FNDC3A: variants seen among roughly 807,000 people sequenced by gnomAD.
The protein encoded by FNDC3A is fibronectin type-III domain-containing protein 3A.
Under a neutral mutation model 148.9 loss-of-function variants are expected in FNDC3A, and 32 were observed. The ratio of observed to expected loss-of-function variants is 0.21; its 90% confidence interval spans 0.16 to 0.29. The LOEUF (loss-of-function observed/expected upper bound fraction) is 0.29, where lower values mean the gene tolerates loss of function less well. FNDC3A is among the 10% of genes least tolerant of loss of function. The pLI is 1.00. For missense variants in FNDC3A, 1,191 were observed against 1,452.8 expected (o/e 0.82, Z 2.93); for synonymous variants, 472 against 473.6 (o/e 1.00, Z 0.04).
chr13:49,032,968 G>C (rs1394294557), intron 2 of FNDC3A, among the ~76,000 whole-genome samples: 1 of 151,996 alleles, frequency 6.6e-6, no homozygotes, highest in East Asian at 1.9e-4. Context: ...CCAGAAATAA[G>C]TTATTATTAT....
chr13:49,012,607 G>A (rs1370610488), intron 2 of FNDC3A, among the ~76,000 whole-genome samples: 3 of 151,966 alleles, frequency 2.0e-5, no homozygotes, highest in Non-Finnish European at 4.4e-5. Flanking sequence ...AGATTGCCTT[G>A]AATCTATAGA....
chr13:49,043,055 A>G (rs373630067), intron 2 of FNDC3A, among the ~76,000 whole-genome samples: 2 of 152,034 alleles, frequency 1.3e-5, no homozygotes, highest in Non-Finnish European at 2.9e-5. Context: ...TCCTGGGCTC[A>G]AAGAATCCTC....
At chr13:48,978,170 C>T (rs1314213436) in intron 1 of FNDC3A, among the ~76,000 whole-genome samples, 1 of 152,074 alleles carries the variant, frequency 6.6e-6, no homozygotes, top group African/African-American at 2.4e-5. Context: ...TTTTAACACA[C>T]ATGTAATGAT....
intron 14 of FNDC3A, among the ~76,000 whole-genome samples, chr13:49,180,975 G>A (rs914975703): frequency 3.9e-5 from 6 of 152,120 alleles, no homozygotes; most frequent in African/African-American, 1.4e-4. Context: ...CAACACTTTC[G>A]GAGGCTGAGA....
chr13:49,177,646 A>G lies in FNDC3A; in HGVS notation c.1531-922A>G, dbSNP rs191294651. Among the ~76,000 whole-genome samples, 60 of 152,340 alleles carry G rather than the reference A, an allele frequency of 3.9e-4. 1 individual carries two copies. Among genetic ancestry groups the G allele is most frequent in the Non-Finnish European group, 7.2e-4 (49 of 68,032 alleles). On this transcript the variant is annotated intron_variant, in intron 13 of 25. Transcript: ENST00000492622. ...GGAAGCAACCCAAATGTCCATCAAC[A>G]GATAGATGGATAAACAAAATGTGGT...
intron 1 of FNDC3A, among the ~76,000 whole-genome samples, chr13:48,984,031 T>C (rs1951744941): frequency 1.3e-5 from 2 of 152,186 alleles, no homozygotes; most frequent in South Asian, 2.1e-4. Flanking sequence ...TTCAGTAAGC[T>C]GATTGGCTAT....
At chr13:49,054,100 A>G (rs1258282809) in intron 2 of FNDC3A, among the ~76,000 whole-genome samples, 2 of 152,110 alleles carry the variant, frequency 1.3e-5, no homozygotes, top group East Asian at 3.9e-4. Context: ...GGAGAGTATA[A>G]TGAGGCATGT....
chr13:49,062,510 A>G (rs1830951786), intron 2 of FNDC3A, among the ~76,000 whole-genome samples: 4 of 152,164 alleles, frequency 2.6e-5, no homozygotes, highest in African/African-American at 9.7e-5. Flanking sequence ...GCTATGCCAC[A>G]CTACTTCCTA....
chr13:49,097,411 C>T (rs1357990191), intron 3 of FNDC3A, among the ~76,000 whole-genome samples: 3 of 151,096 alleles, frequency 2.0e-5, no homozygotes, highest in African/African-American at 7.3e-5. Flanking sequence ...GTTGAGGAAA[C>T]GCCACCAAAG....
At chr13:49,070,889 T>TG (rs1165912294) in intron 2 of FNDC3A, among the ~76,000 whole-genome samples, 2 of 145,064 alleles carry the variant, frequency 1.4e-5, no homozygotes, top group Non-Finnish European at 3.0e-5. Flanking sequence ...TTCTTTTTTT[T>TG]TTTTGTTTTG....
chr13:48,980,512 C>A (rs1555273348), intron 1 of FNDC3A, among the ~76,000 whole-genome samples: 1 of 152,160 alleles, frequency 6.6e-6, no homozygotes, highest in Non-Finnish European at 1.5e-5. Flanking sequence ...AAGATTATAT[C>A]ATGTGCACAT....
At chr13:49,080,412 C>G (rs1878394499) in intron 3 of FNDC3A, among the ~76,000 whole-genome samples, 1 of 152,116 alleles carries the variant, frequency 6.6e-6, no homozygotes, top group African/African-American at 2.4e-5. Flanking sequence ...CCATTATTCA[C>G]TGGTTTTAAC....
chr13:49,202,873 G>T (rs780056096), intron 24 of FNDC3A, among the ~76,000 whole-genome samples: 1 of 152,166 alleles, frequency 6.6e-6, no homozygotes, highest in East Asian at 1.9e-4. Flanking sequence ...GGGCATGGCA[G>T]CATATGCCTG....
In FNDC3A at chr13:49,164,770, C is replaced by T. The variant is rs540500402; in HGVS notation, c.978-2474C>T. Among the ~76,000 whole-genome samples the T allele has an allele frequency of 1.7e-4, 26 of 152,144 alleles. No homozygotes were observed. In the South Asian group the frequency reaches 3.3e-3, roughly 19 times the overall value. On this transcript the variant is annotated intron_variant, in intron 8 of 25. Transcript: ENST00000492622. ...ATTACAGGTGCCCGCCACCACCGGC[C>T]GGCTAATTTTTTGCATTTTTAGTAG...
At chr13:49,079,653 C>G (rs552766861) in intron 3 of FNDC3A, among the ~76,000 whole-genome samples, 19 of 152,284 alleles carry the variant, frequency 1.2e-4, no homozygotes, top group African/African-American at 4.6e-4. Flanking sequence ...CAAAAGTCTT[C>G]CTACTACAAA....
In FNDC3A at chr13:49,050,337, G is replaced by A. The variant is rs374671977; in HGVS notation, c.100-24952G>A. On this transcript the variant is annotated intron_variant, in intron 2 of 25. Coordinates refer to ENST00000492622, the MANE Select transcript of FNDC3A (RefSeq NM_001079673.2). The stretch of plus-strand genomic sequence containing the variant: ...TGTATCCCAGAGGTTTTGATAGGTT[G>A]TGTCACTATTATCATTCAGTTCAAA... 3.7e-4 allele frequency among the ~76,000 whole-genome samples: 57 copies of A among 152,258 alleles called. 1 individual carries two copies. The East Asian group carries it at 6.4e-3, about 17-fold the overall frequency.
chr13:49,117,078 T>TA (rs1218422165), intron 4 of FNDC3A, among the ~76,000 whole-genome samples: 1 of 151,870 alleles, frequency 6.6e-6, no homozygotes, highest in Non-Finnish European at 1.5e-5. Flanking sequence ...ATAAGACTCT[T>TA]ACTTATCTTC....
chr13:49,177,284 T>C (rs924623598), intron 13 of FNDC3A, among the ~76,000 whole-genome samples: 2 of 152,186 alleles, frequency 1.3e-5, no homozygotes, highest in African/African-American at 2.4e-5. Context: ...TGAGGAAATA[T>C]TGGGTCTGCC....
intron 3 of FNDC3A, among the ~76,000 whole-genome samples, chr13:49,079,835 G>A (rs1199138751): frequency 6.6e-6 from 1 of 152,186 alleles, no homozygotes; most frequent in Non-Finnish European, 1.5e-5. Context: ...TCTATTTTAA[G>A]AGACAGGGTC....
Sources: gnomAD v4.1 joint callset for allele counts (sites outside exome capture counted in the v4.1 genomes callset) on GRCh38, gnomAD v4.1.1 for gene constraint, MANE v1.5 for transcripts, NCBI Gene and HGNC (gene_info 2026-07-23, HGNC 2026-07-21) for gene names.